Variants in PRR15L observed in about 807,000 individuals in gnomAD.
PRR15L encodes the protein proline-rich protein 15-like protein.
In PRR15L, 1 loss-of-function variant was observed where a neutral mutation model predicts 3.7. The ratio of observed to expected loss-of-function variants is 0.27; its 90% CI spans 0.09 to 1.27. PRR15L has a LOEUF of 1.27. PRR15L is among the 50% of genes most tolerant of loss of function. The pLI is 0.47. For missense variants in PRR15L, 127 were observed against 128.7 expected (o/e 0.99, Z 0.06); for synonymous variants, 57 against 51.9 (o/e 1.10, Z -0.42).
At position 47,952,978 on chromosome 17, in the gene PRR15L, A is replaced by C; in HGVS notation, c.257T>G (p.Leu86Arg). ...ATCAAAGAGGTTAGGGTTCTCTGCC[A>C]GCGTGGCTCTCACTTTCTTCTTCTC... ...FKEKKKVRATLAENPNLFDDH... is the reference protein window; with the variant it reads ...FKEKKKVRATRAENPNLFDDH... The change falls in exon 2 of 2, where the codon CTG (leucine) becomes CGG (arginine). Residue 86 changes from leucine (L) to arginine (R), a missense_variant. Physicochemically the swap from Leu to Arg is moderately radical, Grantham distance 102. Transcript: ENST00000300557. The C allele has an allele frequency of 6.2e-7, 1 of 1,614,178 alleles. No homozygotes were observed. The highest frequency in any genetic ancestry group is 8.5e-7 in the Non-Finnish European group (1 of 1,180,038).
rs1005840151 is a variant in PRR15L at position 47,952,425 on chromosome 17, GTC to G, written c.*496_*497del. On this transcript the variant is annotated 3_prime_UTR_variant, in exon 2 of 2. Transcript: ENST00000300557. The stretch of plus-strand genomic sequence containing the variant: ...GTTAGGAGGTGAGCTCAAGTTCAGT[GTC>G]TCTGCCTCTGGCTCCACAGAAACCA... 1 of 153,768 alleles carries G rather than the reference GTC, an allele frequency of 6.5e-6. No homozygotes were observed. Among genetic ancestry groups the G allele is most frequent in the African/African-American group, 2.4e-5 (1 of 41,472 alleles). The allele number at this position is 153,768 out of a possible 1,614,324, so 9.5% of individuals were successfully genotyped here.
At chr17:47,956,784 A>G (rs893162787) in intron 1 of PRR15L, among the ~76,000 whole-genome samples, 2 of 152,262 alleles carry the variant, frequency 1.3e-5, no homozygotes, top group African/African-American at 2.4e-5. Flanking sequence ...AAAGAACAAG[A>G]TATCTACAAC....
At position 47,953,109 on chromosome 17, in the gene PRR15L, A is replaced by T. The variant is rs148892789; in HGVS notation, c.126T>A (p.Pro42=). ...AGTCGCTGTTGGGGCCTCCAGCGTC[A>T]GGCCTCGGGGGTTCTGCATCTCCCT... The part of the protein sequence containing the change: ...QTEGDAEPPR[P]DAGGPNSDFN... Residue 42 remains proline (P), a synonymous_variant, in exon 2 of 2, where the codon CCT becomes CCA. Coordinates refer to ENST00000300557, the MANE Select transcript of PRR15L (RefSeq NM_024320.4). The T allele has an allele frequency of 8.1e-5, 130 of 1,613,992 alleles. No individual in the cohort carries two copies. The highest frequency in any genetic ancestry group is 1.0e-4 in the Non-Finnish European group (123 of 1,180,032).
intron 1 of PRR15L, among the ~76,000 whole-genome samples, chr17:47,955,573 C>G (rs1012100990): frequency 6.6e-6 from 1 of 152,106 alleles, no homozygotes; most frequent in Non-Finnish European, 1.5e-5. Flanking sequence ...TTGTGCAGCT[C>G]CCGCTCAGAA....
Position 47,952,851 on chromosome 17 carries a change from G to T in PRR15L, c.*72C>A. On this transcript the variant is annotated 3_prime_UTR_variant, in exon 2 of 2. Coordinates refer to ENST00000300557, the MANE Select transcript of PRR15L (RefSeq NM_024320.4). Reference sequence around the variant, plus strand: ...GCTTCAGCTATGGCCAAAGAGGCCAGCGTGGCAAGGTCCTGTCTCAGATCT... The same window carrying T: ...GCTTCAGCTATGGCCAAAGAGGCCATCGTGGCAAGGTCCTGTCTCAGATCT... The T allele has an allele frequency of 6.8e-7, 1 of 1,465,130 alleles. No homozygotes were observed. The highest frequency in any genetic ancestry group is 9.2e-7 in the Non-Finnish European group (1 of 1,088,816). The allele number at this position is 1,465,130 out of a possible 1,614,324, so 90.8% of individuals were successfully genotyped here.
intron 1 of PRR15L, 37 bp downstream of exon 1, chr17:47,957,620 G>C (rs2036143869): frequency 6.6e-6 from 1 of 152,354 alleles, no homozygotes; most frequent in Admixed American, 6.5e-5. Context: ...TGGGGTCTAT[G>C]CCTTGGTTTC....
At position 47,956,598 on chromosome 17, in the gene PRR15L, A is replaced by T. The variant is rs919624766; in HGVS notation, c.-30+1059T>A. ...CCCATTAGCAAGCCTGACTTATGGA[A>T]ATCTGAGTTTGCAAAATGGAAAAAT... is the stretch of plus-strand genomic sequence containing the variant. On this transcript the variant is annotated intron_variant, in intron 1 of 1. Coordinates refer to ENST00000300557, the MANE Select transcript of PRR15L (RefSeq NM_024320.4). Among the ~76,000 whole-genome samples the T allele has an allele frequency of 2.1e-4, 32 of 152,230 alleles. 1 individual carries two copies. Among genetic ancestry groups the T allele is most frequent in the Admixed American group, 7.8e-4 (12 of 15,290 alleles).
Position 47,952,910 on chromosome 17 carries a change from C to A in PRR15L, c.*13G>T. 11 of 1,604,742 alleles carry A rather than the reference C, an allele frequency of 6.9e-6. No homozygotes were observed. Among genetic ancestry groups the A allele is most frequent in the Non-Finnish European group, 9.4e-6 (11 of 1,174,868 alleles). On this transcript the variant is annotated 3_prime_UTR_variant, in exon 2 of 2. Transcript: ENST00000300557. ...GCAGGGAGCCAAGAGGTGCTAGCAC[C>A]CTCCTCAGCCCTTCACTTTGATGAC...
rs2036078368 is a variant in PRR15L at position 47,952,584 on chromosome 17, T to C, written c.*339A>G. The C allele has an allele frequency of 9.2e-6, 2 of 218,004 alleles. No homozygotes were observed. The highest frequency in any genetic ancestry group is 2.5e-5 in the African/African-American group (1 of 40,220). The allele number at this position is 218,004 out of a possible 1,614,324, so 13.5% of individuals were successfully genotyped here. On this transcript the variant is annotated 3_prime_UTR_variant, in exon 2 of 2. Coordinates refer to ENST00000300557, the MANE Select transcript of PRR15L (RefSeq NM_024320.4). ...CCCTGTGTCCAGTAAGGAGGTGAAG[T>C]CTGTCTGGCTCACTCTCTCCATTCC...
Position 47,953,229 on chromosome 17 carries a change from C to T in PRR15L, c.6G>A (p.Thr2=), listed in dbSNP as rs752211315. 6 of 1,569,916 alleles carry T rather than the reference C, an allele frequency of 3.8e-6. No homozygotes were observed. Among genetic ancestry groups the T allele is most frequent in the Non-Finnish European group, 5.2e-6 (6 of 1,157,104 alleles). Reference sequence around the variant, plus strand: ...TCAGCTTCCACCAACCAATTTCAGTCGTCATGGCGCTCCCTAAGCCAAGGA... The same window carrying T: ...TCAGCTTCCACCAACCAATTTCAGTTGTCATGGCGCTCCCTAAGCCAAGGA... M[T]TEIGWWKLTF... is the part of the protein sequence containing the mutation. The change falls in exon 2 of 2, where the codon ACG becomes ACA. Residue 2 remains threonine, a synonymous_variant. Transcript: ENST00000300557.
chr17:47,952,816 T>C lies in PRR15L; in HGVS notation c.*107A>G, dbSNP rs16949737. On this transcript the variant is annotated 3_prime_UTR_variant, in exon 2 of 2. Transcript: ENST00000300557. ...CCATTTCCTGCCAGCAGGTATCAAC[T>C]GGCCCCACAGCTTCAGCTATGGCCA... is the stretch of plus-strand genomic sequence containing the variant. The C allele has an allele frequency of 5.5e-3, 6,373 of 1,154,776 alleles. 264 individuals are homozygous for C. The African/African-American group carries it at 0.089, about 16-fold the overall frequency. The allele number at this position is 1,154,776 out of a possible 1,614,324, so 71.5% of individuals were successfully genotyped here. A position where few individuals can be genotyped will look rare whatever the true frequency, so the allele number is the denominator to read the frequency against.
chr17:47,956,933 G>T (rs763510231), intron 1 of PRR15L, among the ~76,000 whole-genome samples: 1 of 152,252 alleles, frequency 6.6e-6, no homozygotes, highest in Non-Finnish European at 1.5e-5. Context: ...TGAGCTGGCC[G>T]AGCTAAGGGC....
At position 47,952,718 on chromosome 17, in the gene PRR15L, G is replaced by C; in HGVS notation, c.*205C>G. On this transcript the variant is annotated 3_prime_UTR_variant, in exon 2 of 2. Coordinates refer to ENST00000300557, the MANE Select transcript of PRR15L (RefSeq NM_024320.4). ...AGAGTGCCTTTGTATGTGGTCAGGG[G>C]GAGGGTGGAGGACCCTGGGATCTCC... The C allele has an allele frequency of 5.7e-6, 3 of 524,770 alleles. No homozygotes were observed. The South Asian group carries it at 9.3e-5, about 16-fold the overall frequency. The allele number at this position is 524,770 out of a possible 1,614,324, so 32.5% of individuals were successfully genotyped here. A position where few individuals can be genotyped will look rare whatever the true frequency, so the allele number is the denominator to read the frequency against.
chr17:47,953,292 G>C, intron 1 of PRR15L, 29 bp from the exon 2 acceptor site: 1 of 1,415,432 alleles, frequency 7.1e-7, no homozygotes, highest in African/African-American at 1.4e-5. Context: ...GGAGACAAAG[G>C]GGTCAGTGGG....
chr17:47,956,942 G>T (rs2036136568), intron 1 of PRR15L, among the ~76,000 whole-genome samples: 1 of 152,244 alleles, frequency 6.6e-6, no homozygotes, highest in South Asian at 2.1e-4. Flanking sequence ...CGAGCTAAGG[G>T]CTGGGCCCTT....
intron 1 of PRR15L, among the ~76,000 whole-genome samples, chr17:47,956,328 C>T (rs751622065): frequency 9.2e-5 from 14 of 152,164 alleles, no homozygotes; most frequent in Non-Finnish European, 2.9e-5. Flanking sequence ...AAAAATTAGG[C>T]GGATGTTGTG....
chr17:47,955,598 G>C (rs2036119901), intron 1 of PRR15L, among the ~76,000 whole-genome samples: 1 of 152,222 alleles, frequency 6.6e-6, no homozygotes, highest in African/African-American at 2.4e-5. Flanking sequence ...AAGGAGCAGT[G>C]AGAGGGGCTC....
rs201539562 is a variant in PRR15L, at chr17:47,953,088, G to C, written c.147C>G (p.Ser49Arg). Residue 49 changes from serine to arginine, a missense_variant, in exon 2 of 2, where the codon AGC becomes AGG. Transcript: ENST00000300557. ...PPRPDAGGPN[S>R]DFNTRLEKIV... is the part of the protein sequence containing the mutation. ...TCTTCTCCAGGCGGGTGTTAAAGTC[G>C]CTGTTGGGGCCTCCAGCGTCAGGCC... 66 of 1,613,994 alleles carry C rather than the reference G, an allele frequency of 4.1e-5. No homozygotes were observed. Among genetic ancestry groups the C allele is most frequent in the South Asian group, 1.2e-4 (11 of 91,082 alleles).
chr17:47,956,421 G>C (rs889781635), intron 1 of PRR15L, among the ~76,000 whole-genome samples: 1 of 152,250 alleles, frequency 6.6e-6, no homozygotes, highest in Non-Finnish European at 1.5e-5. Context: ...GCAGTGAGCT[G>C]AGATCATGCC....
Sources: allele counts gnomAD v4.1 joint callset (sites outside exome capture counted in the v4.1 genomes callset), GRCh38; gene constraint gnomAD v4.1.1; transcripts MANE v1.5; gene names NCBI Gene and HGNC (gene_info 2026-07-23, HGNC 2026-07-21).